The following NPAS2 variants were observed in gnomAD, a reference collection of about 807,000 sequenced individuals.
The protein encoded by NPAS2 is neuronal PAS domain protein 2.
NPAS2 carries 23 observed loss-of-function variants against 107.5 expected under a neutral mutation model. The ratio of observed to expected loss-of-function variants is 0.21; its 90% confidence interval spans 0.15 to 0.30. The LOEUF is 0.30. Among genes scored for constraint, NPAS2 ranks in the 10% least tolerant of loss-of-function variants. NPAS2 has a pLI of 1.00. For synonymous variants in NPAS2, 403 were observed against 417.5 expected (o/e 0.97, Z 0.42); for missense variants, 756 against 1,043.3 (o/e 0.72, Z 3.79).
intron 7 of NPAS2, among the ~76,000 whole-genome samples, chr2:100,961,290 G>C (rs1675899878): frequency 6.6e-6 from 1 of 152,208 alleles, no homozygotes; most frequent in Non-Finnish European, 1.5e-5. Flanking sequence ...TATGCAAGAA[G>C]ACTCGTGCTG....
intron 1 of NPAS2, among the ~76,000 whole-genome samples, chr2:100,856,440 G>A (rs893879737): frequency 1.3e-5 from 2 of 152,174 alleles, no homozygotes; most frequent in African/African-American, 4.8e-5. Context: ...TTACCTGCTG[G>A]TTGGGTGTGG....
chr2:100,835,113 A>G (rs1253444092), intron 1 of NPAS2, among the ~76,000 whole-genome samples: 1 of 152,212 alleles, frequency 6.6e-6, no homozygotes, highest in Non-Finnish European at 1.5e-5. Flanking sequence ...AGTCATCGTT[A>G]CAGACACGAG....
intron 1 of NPAS2, among the ~76,000 whole-genome samples, chr2:100,871,131 C>T (rs1015020574): frequency 2.0e-5 from 3 of 152,186 alleles, no homozygotes; most frequent in Non-Finnish European, 4.4e-5. Flanking sequence ...ATCTCACCCA[C>T]TCACCCACAG....
Position 100,968,474 on chromosome 2 carries a change from G to A in NPAS2, c.1055+46G>A. The A allele has an allele frequency of 2.5e-6, 4 of 1,595,410 alleles. No homozygotes were observed. Among genetic ancestry groups the A allele is most frequent in the South Asian group, 1.1e-5 (1 of 90,132 alleles). On this transcript the variant is annotated intron_variant, in intron 11 of 20. Transcript: ENST00000335681. This position sits in a 1 kb window ranked among gnomAD's most constrained non-coding sequence, Gnocchi z 5.3. ...TGCGGCTGCGTCCTTGTCGCACCTG[G>A]GGGAGGGGTGCAGGATGGCGTGGCC...
chr2:100,857,485 G>A (rs1678652899), intron 1 of NPAS2, among the ~76,000 whole-genome samples: 2 of 152,120 alleles, frequency 1.3e-5, no homozygotes, highest in Non-Finnish European at 2.9e-5. Context: ...TCAGTGTGGT[G>A]GCTGCCCTCA....
intron 1 of NPAS2, among the ~76,000 whole-genome samples, chr2:100,824,601 C>T (rs1676261878): frequency 6.6e-6 from 1 of 152,110 alleles, no homozygotes; most frequent in African/African-American, 2.4e-5. Flanking sequence ...TTGGAATTCA[C>T]CTGGGGTGCC....
intron 1 of NPAS2, chr2:100,901,643 C>A: frequency 1.3e-6 from 1 of 762,668 alleles, no homozygotes; most frequent in Non-Finnish European, 1.6e-6. Context: ...TGGCTCCCTT[C>A]TTGTCCCTTC....
At position 100,993,390 on chromosome 2, in the gene NPAS2, C is replaced by A. The variant is rs760458330; in HGVS notation, c.2155C>A (p.Pro719Thr). Residue 719 changes from proline (P) to threonine (T), a missense_variant, in exon 20 of 21, where the codon CCC becomes ACC. By Grantham distance (38) the Pro-to-Thr change is conservative (BLOSUM62 -1). Around this residue, in one of 4 missense-constraint regions of NPAS2, gnomAD observed 496 missense variants for 594.4 expected, o/e 0.83. Transcript: ENST00000335681. The stretch of plus-strand genomic sequence containing the variant: ...CGTGTTTCAAAATCCAGACGCACAC[C>A]CCGCCAACAGCAGCAGCGCCCCGAT... ...QTVFQNPDAH[P>T]ANSSSAPMPV... The A allele has an allele frequency of 1.6e-5, 26 of 1,609,814 alleles. No individual in the cohort carries two copies. The highest frequency in any genetic ancestry group is 2.2e-5 in the Non-Finnish European group (26 of 1,176,940).
chr2:100,865,540 C>T (rs939866133), intron 1 of NPAS2, among the ~76,000 whole-genome samples: 2 of 152,166 alleles, frequency 1.3e-5, no homozygotes, highest in Admixed American at 1.3e-4. Flanking sequence ...TTGCTCAAGT[C>T]GGGTAACCTG....
intron 1 of NPAS2, among the ~76,000 whole-genome samples, chr2:100,889,730 G>A (rs1031587248): frequency 6.6e-6 from 1 of 152,152 alleles, no homozygotes; most frequent in Non-Finnish European, 1.5e-5. Context: ...AGCTGGGCCT[G>A]CATCCAACAC....
chr2:100,973,672 G>A (rs187477895), intron 12 of NPAS2, among the ~76,000 whole-genome samples: 1 of 152,228 alleles, frequency 6.6e-6, no homozygotes, highest in African/African-American at 2.4e-5. Context: ...CCACGCAGAC[G>A]CACGCATGGG....
chr2:100,995,136 G>GCCATAT (rs1285849440), intron 20 of NPAS2: 1 of 446,468 alleles, frequency 2.2e-6, no homozygotes, highest in South Asian at 6.9e-5. Context: ...CATAGCCATA[G>GCCATAT]CCACAGGCCT....
At chr2:100,991,000 C>T in intron 19 of NPAS2, 128 bp downstream of exon 19, 1 of 764,206 alleles carries the variant, frequency 1.3e-6, no homozygotes, top group Non-Finnish European at 2.2e-6. Flanking sequence ...TGAGTGTGCC[C>T]ACAGCTGTGA....
chr2:100,853,532 A>C (rs925987331), intron 1 of NPAS2, among the ~76,000 whole-genome samples: 4 of 152,072 alleles, frequency 2.6e-5, no homozygotes, highest in Non-Finnish European at 5.9e-5. Flanking sequence ...TATGTTTGTA[A>C]CCTCGGGCCT....
In NPAS2 at chr2:100,855,365, G is replaced by C. The variant is rs1678489674; in HGVS notation, c.-23+34951G>C. On this transcript the variant is annotated intron_variant, in intron 1 of 20. Coordinates refer to ENST00000335681, the MANE Select transcript of NPAS2 (RefSeq NM_002518.4). ...GCTTAGCCTGTCTCACGAAGGCCTC[G>C]ACCGCGGGTAGAGCTGGAACCACCT... is the stretch of plus-strand genomic sequence containing the variant. Among the ~76,000 whole-genome samples, 3 of 152,146 alleles carry C rather than the reference G, an allele frequency of 2.0e-5. No individual in the cohort carries two copies. In the South Asian group the frequency reaches 6.2e-4, roughly 32 times the overall value.
chr2:100,873,859 C>T (rs1679782200), intron 1 of NPAS2, among the ~76,000 whole-genome samples: 1 of 152,192 alleles, frequency 6.6e-6, no homozygotes, highest in Non-Finnish European at 1.5e-5. Context: ...TCATAACTGT[C>T]TGTAGCTTTA....
At chr2:100,991,268 G>C (rs780766393) in intron 19 of NPAS2, among the ~76,000 whole-genome samples, 1 of 152,022 alleles carries the variant, frequency 6.6e-6, no homozygotes. Flanking sequence ...CACCGTGCTC[G>C]GGCCCGTCTC....
intron 1 of NPAS2, among the ~76,000 whole-genome samples, chr2:100,870,615 A>G (rs374316699): frequency 6.6e-6 from 1 of 152,006 alleles, no homozygotes; most frequent in African/African-American, 2.4e-5. Context: ...GGCTGGTCTC[A>G]AACTCAACTC....
In NPAS2 at chr2:100,822,313, G is replaced by T. The variant is rs543155778; in HGVS notation, c.-23+1899G>T. On this transcript the variant is annotated intron_variant, in intron 1 of 20. Transcript: ENST00000335681. ...GTGTTCAGATGATGACTAAAGAATT[G>T]ATCTTTATGTAGAAAACAACAATTG... 3.3e-5 allele frequency among the ~76,000 whole-genome samples: 5 copies of T among 152,304 alleles called. No individual in the cohort carries two copies. The East Asian group carries it at 7.7e-4, about 23-fold the overall frequency.
Sources: allele counts gnomAD v4.1 joint callset (sites outside exome capture counted in the v4.1 genomes callset), GRCh38; gene constraint gnomAD v4.1.1; regional missense constraint gnomAD v4.1.1; non-coding constraint Gnocchi (gnomAD v3.1); transcripts MANE v1.5; gene names NCBI Gene and HGNC (gene_info 2026-07-23, HGNC 2026-07-21).